The following NALF1 variants were observed in gnomAD, a reference collection of about 807,000 sequenced individuals.
NALF1 encodes family with sequence similarity 155 member A.
A neutral mutation model predicts 48.4 loss-of-function variants in NALF1; 3 were observed. The observed-to-expected ratio is 0.06, with a 90% CI of 0.03 to 0.16. The LOEUF (loss-of-function observed/expected upper bound fraction) is 0.16, where lower values mean the gene tolerates loss of function less well. Ranked by LOEUF, NALF1 falls within the 10% of genes least tolerant of loss-of-function variation. NALF1 has a pLI of 1.00. For synonymous variants in NALF1, 262 were observed against 245.7 expected (o/e 1.07, Z -0.62); for missense variants, 526 against 571.5 (o/e 0.92, Z 0.81).
chr13:107,178,993 C>T (rs1377664639), intron 2 of NALF1, among the ~76,000 whole-genome samples: 1 of 151,950 alleles, frequency 6.6e-6, no homozygotes, highest in Admixed American at 6.6e-5. Context: ...CCATATGATC[C>T]ATCAATCCTA....
At chr13:107,798,293 A>G (rs1878496132) in intron 1 of NALF1, among the ~76,000 whole-genome samples, 1 of 152,200 alleles carries the variant, frequency 6.6e-6, no homozygotes, top group Non-Finnish European at 1.5e-5. Flanking sequence ...AATGTACATT[A>G]AATATATGTT....
intron 1 of NALF1, among the ~76,000 whole-genome samples, chr13:107,301,451 C>A (rs1881835548): frequency 1.3e-5 from 2 of 152,024 alleles, no homozygotes; most frequent in Non-Finnish European, 2.9e-5. Context: ...AAAACATGGA[C>A]AACAAAAAGT....
intron 1 of NALF1, among the ~76,000 whole-genome samples, chr13:107,352,665 A>G (rs1156839873): frequency 1.3e-5 from 2 of 152,184 alleles, no homozygotes; most frequent in Non-Finnish European, 2.9e-5. Flanking sequence ...ATCATCTCTC[A>G]AAGCCCCACG....
rs565537675 is a variant in NALF1 at position 107,535,129 on chromosome 13, G to A, written c.916-324374C>T. ...TATACAATCATGTCATCTGCAAACAGGGACAATTTGACTTCCTCTTTTCCT... is the reference window on the plus strand; with the variant it reads ...TATACAATCATGTCATCTGCAAACAAGGACAATTTGACTTCCTCTTTTCCT... On this transcript the variant is annotated intron_variant, in intron 1 of 2. Transcript: ENST00000375915. Among the ~76,000 whole-genome samples, 8 of 152,188 alleles carry A rather than the reference G, an allele frequency of 5.3e-5. No homozygotes were observed. In the South Asian group the frequency reaches 1.7e-3, roughly 32 times the overall value.
At chr13:107,864,782 G>A (rs1208819989) in intron 1 of NALF1, among the ~76,000 whole-genome samples, 1 of 152,166 alleles carries the variant, frequency 6.6e-6, no homozygotes, top group Non-Finnish European at 1.5e-5. Context: ...TGTTGCATTT[G>A]CATCGACCAA....
intron 1 of NALF1, among the ~76,000 whole-genome samples, chr13:107,250,371 A>G (rs1002759102): frequency 6.6e-6 from 1 of 152,190 alleles, no homozygotes; most frequent in Non-Finnish European, 1.5e-5. Context: ...CAAAAGAAGT[A>G]TTCAAAATAT....
intron 1 of NALF1, among the ~76,000 whole-genome samples, chr13:107,682,704 G>A (rs912604809): frequency 7.3e-5 from 11 of 151,642 alleles, no homozygotes; most frequent in Non-Finnish European, 1.0e-4. Flanking sequence ...CAAGTTCTGC[G>A]AGGGCCAGCC....
chr13:107,784,661 T>G (rs1478309442), intron 1 of NALF1, among the ~76,000 whole-genome samples: 2 of 152,128 alleles, frequency 1.3e-5, no homozygotes, highest in Non-Finnish European at 2.9e-5. Flanking sequence ...CTCAACATCA[T>G]TAATGATCAG....
intron 1 of NALF1, among the ~76,000 whole-genome samples, chr13:107,831,172 A>G (rs1053412009): frequency 6.6e-6 from 1 of 152,230 alleles, no homozygotes. Context: ...TTTCAAGGTA[A>G]AAACCAAGAT....
chr13:107,334,441 G>C lies in NALF1; in HGVS notation c.916-123686C>G, dbSNP rs557095372. On this transcript the variant is annotated intron_variant, in intron 1 of 2. Coordinates refer to ENST00000375915, the MANE Select transcript of NALF1 (RefSeq NM_001080396.3). ...CCAAGCACTCTGCCCAATCAGCTCT[G>C]GCTCTCTAGAAGGATCCTTCATATC... Among the ~76,000 whole-genome samples the C allele has an allele frequency of 2.0e-5, 3 of 152,176 alleles. No individual in the cohort carries two copies. The South Asian group carries it at 6.2e-4, about 32-fold the overall frequency.
intron 1 of NALF1, among the ~76,000 whole-genome samples, chr13:107,851,190 T>G (rs1389089570): frequency 6.6e-6 from 1 of 152,332 alleles, no homozygotes; most frequent in Non-Finnish European, 1.5e-5. Context: ...TTACCGGACA[T>G]GGTAACCTTA....
Position 107,699,133 on chromosome 13 carries a change from C to T in NALF1, c.915+166549G>A, listed in dbSNP as rs530444806. Among the ~76,000 whole-genome samples the T allele has an allele frequency of 2.6e-5, 4 of 152,172 alleles. No homozygotes were observed. The South Asian group carries it at 8.3e-4, about 32-fold the overall frequency. ...AGAGAAAATACATTGTTACAAATTA[C>T]AAAGTCAAGAATTATGGTTAATATT... On this transcript the variant is annotated intron_variant, in intron 1 of 2. Coordinates refer to ENST00000375915, the MANE Select transcript of NALF1 (RefSeq NM_001080396.3).
intron 1 of NALF1, among the ~76,000 whole-genome samples, chr13:107,646,024 G>A (rs970696168): frequency 2.0e-5 from 3 of 152,084 alleles, no homozygotes; most frequent in African/African-American, 7.2e-5. Context: ...ACACTATGGG[G>A]AAAACAGGAT....
chr13:107,765,804 G>A (rs1365488855), intron 1 of NALF1, among the ~76,000 whole-genome samples: 10 of 152,076 alleles, frequency 6.6e-5, no homozygotes, highest in Admixed American at 6.6e-4. Context: ...AAGTAATAAA[G>A]GTTACCTAGA....
chr13:107,253,181 T>C (rs1880739018), intron 1 of NALF1, among the ~76,000 whole-genome samples: 2 of 152,206 alleles, frequency 1.3e-5, no homozygotes, highest in South Asian at 2.1e-4. Context: ...TTCTTTTTTT[T>C]TTTTTTTGCA....
chr13:107,462,016 G>A lies in NALF1; in HGVS notation c.916-251261C>T, dbSNP rs990400989. Among the ~76,000 whole-genome samples, 9 of 152,078 alleles carry A rather than the reference G, an allele frequency of 5.9e-5. No homozygotes were observed. In the South Asian group the frequency reaches 8.3e-4, roughly 14 times the overall value. ...TGTTAAGGTAGTCCCTTATTTACCCGTTACATATTTTCCTTGGCTTTTCAA... is the reference window on the plus strand; with the variant it reads ...TGTTAAGGTAGTCCCTTATTTACCCATTACATATTTTCCTTGGCTTTTCAA... On this transcript the variant is annotated intron_variant, in intron 1 of 2. Transcript: ENST00000375915.
chr13:107,596,878 G>A (rs1878768844), intron 1 of NALF1, among the ~76,000 whole-genome samples: 1 of 152,062 alleles, frequency 6.6e-6, no homozygotes, highest in African/African-American at 2.4e-5. Flanking sequence ...TTTTTCCCAT[G>A]TTGGCAGTAT....
intron 1 of NALF1, among the ~76,000 whole-genome samples, chr13:107,837,935 T>TTA (rs147274160): frequency 1.3e-5 from 2 of 151,482 alleles, no homozygotes; most frequent in African/African-American, 2.4e-5. Flanking sequence ...AAAAACACGG[T>TTA]AAAAAAACTC....
intron 1 of NALF1, among the ~76,000 whole-genome samples, chr13:107,557,876 A>C (rs1234288938): frequency 6.6e-6 from 1 of 152,108 alleles, no homozygotes; most frequent in African/African-American, 2.4e-5. Context: ...CTTTATTCTG[A>C]AAATAATATA....
Sources: gnomAD v4.1 joint callset for allele counts (sites outside exome capture counted in the v4.1 genomes callset) on GRCh38, gnomAD v4.1.1 for gene constraint, MANE v1.5 for transcripts, NCBI Gene and HGNC (gene_info 2026-07-23, HGNC 2026-07-21) for gene names.